Variants in CARF observed in about 807,000 individuals in gnomAD.
The protein encoded by CARF is calcium-responsive transcription factor.
Under a neutral mutation model 82.0 loss-of-function variants are expected in CARF, and 57 were observed. That is an observed-to-expected ratio of 0.70 (90% CI 0.56 to 0.87). The LOEUF is 0.87. Among genes scored for constraint, CARF ranks in the 40% least tolerant of loss-of-function variants. The probability of loss-of-function intolerance (pLI) is 0.00; values close to 1 mark genes in which losing one functional copy is unlikely to be tolerated. For missense variants in CARF, 771 were observed against 855.8 expected (o/e 0.90, Z 1.24); for synonymous variants, 268 against 290.1 (o/e 0.92, Z 0.77).
intron 5 of CARF, among the ~76,000 whole-genome samples, chr2:202,951,637 T>C (rs574898695): frequency 6.6e-6 from 1 of 152,250 alleles, no homozygotes; most frequent in Admixed American, 6.5e-5. Context: ...CATATGTCTT[T>C]TTAGTTGATA....
At chr2:202,979,250 C>A (rs1305866792) in intron 14 of CARF, among the ~76,000 whole-genome samples, 1 of 151,546 alleles carries the variant, frequency 6.6e-6, no homozygotes, top group Non-Finnish European at 1.5e-5. Flanking sequence ...GAGCAAGACT[C>A]CATCTCAAAA....
intron 3 of CARF, among the ~76,000 whole-genome samples, chr2:202,941,216 T>C (rs10932004): frequency 0.31 from 46,838 of 151,932 alleles, 7,843 homozygotes; most frequent in East Asian, 0.61. Flanking sequence ...CGAGAAGCAA[T>C]TAAAAGATAT....
At chr2:202,948,651 T>G (rs1304540187) in intron 5 of CARF, among the ~76,000 whole-genome samples, 1 of 152,252 alleles carries the variant, frequency 6.6e-6, no homozygotes, top group Non-Finnish European at 1.5e-5. Flanking sequence ...TTGTCTTGGT[T>G]GTTGTTGGTA....
At chr2:202,920,479 A>G (rs919821270) in intron 2 of CARF, among the ~76,000 whole-genome samples, 3 of 152,146 alleles carry the variant, frequency 2.0e-5, no homozygotes, top group East Asian at 3.8e-4. Context: ...TAATTGATCT[A>G]TCATAATAGT....
chr2:202,953,165 G>A (rs1011086594), intron 6 of CARF, among the ~76,000 whole-genome samples: 5 of 151,808 alleles, frequency 3.3e-5, no homozygotes, highest in African/African-American at 4.8e-5. Flanking sequence ...GATTACAGGC[G>A]CCTGCAACCA....
rs1460224291 is a variant in CARF at position 202,913,115 on chromosome 2, G to A, written c.-330+13G>A. ...TATGGGCAGACCGGTATGTGTGCAGGTGAAGACAAAGCTTTCCTTTTTTAC... is the reference window on the plus strand; with the variant it reads ...TATGGGCAGACCGGTATGTGTGCAGATGAAGACAAAGCTTTCCTTTTTTAC... On this transcript the variant is annotated intron_variant, in intron 1 of 16. Transcript: ENST00000438828. The A allele has an allele frequency of 6.6e-6, 1 of 152,156 alleles. No individual in the cohort carries two copies. The highest frequency in any genetic ancestry group is 2.4e-5 in the African/African-American group (1 of 41,430). The allele number at this position is 152,156 out of a possible 1,614,324, so 9.4% of individuals were successfully genotyped here. A position where few individuals can be genotyped will look rare whatever the true frequency, so the allele number is the denominator to read the frequency against.
At chr2:202,943,685 T>C (rs1237694784) in intron 5 of CARF, among the ~76,000 whole-genome samples, 1 of 150,840 alleles carries the variant, frequency 6.6e-6, no homozygotes, top group Non-Finnish European at 1.5e-5. Flanking sequence ...TCTTGCTCTG[T>C]CGCCAAGGCT....
chr2:202,971,678 A>G lies in CARF; in HGVS notation c.1271A>G (p.Lys424Arg). ...CGTTTACATCCTCAAGTAGCACATA[A>G]GATTCAAGAATTAGTATCACAGGGA... ...PSRLHPQVAH[K>R]IQELVSQGIE... Residue 424 changes from lysine to arginine, a missense_variant, in exon 12 of 17, where the codon AAG (lysine) becomes AGG (arginine). Coordinates refer to ENST00000438828, the MANE Select transcript of CARF (RefSeq NM_024744.17). 6.2e-7 allele frequency: 1 copy of G among 1,613,606 alleles called. No homozygotes were observed.
At chr2:202,935,144 TATA>T (rs1014322234) in intron 3 of CARF, among the ~76,000 whole-genome samples, 18 of 143,398 alleles carry the variant, frequency 1.3e-4, no homozygotes, top group African/African-American at 4.1e-4. Flanking sequence ...ATAATATAAT[TATA>T]ATATATACTC....
chr2:202,971,524 A>G lies in CARF; in HGVS notation c.1117A>G (p.Thr373Ala). The G allele has an allele frequency of 6.2e-7, 1 of 1,612,196 alleles. No individual in the cohort carries two copies. ...GVLRWYVQLP[T>A]QQAHQYHELE... ...TACCAGGTGGTATGTACAGTTACCTACACAGCAAGCTCATCAGTATCATGA... is the reference window on the plus strand; with the variant it reads ...TACCAGGTGGTATGTACAGTTACCTGCACAGCAAGCTCATCAGTATCATGA... Residue 373 changes from threonine (T) to alanine (A), a missense_variant, in exon 12 of 17, where the codon ACA becomes GCA. By Grantham distance (58) the Thr-to-Ala change is moderately conservative. Transcript: ENST00000438828.
At chr2:202,951,939 T>C (rs549746080) in intron 5 of CARF, among the ~76,000 whole-genome samples, 1 of 152,042 alleles carries the variant, frequency 6.6e-6, no homozygotes, top group South Asian at 2.1e-4. Context: ...TTCAAGTGAT[T>C]CTCCTGCCTC....
At chr2:202,976,248 C>T (rs2060022099) in intron 13 of CARF, among the ~76,000 whole-genome samples, 2 of 151,784 alleles carry the variant, frequency 1.3e-5, no homozygotes, top group Admixed American at 1.3e-4. Context: ...GATCCTGGCT[C>T]AGTGCAACCT....
At chr2:202,917,109 G>T (rs1168677242) in intron 1 of CARF, among the ~76,000 whole-genome samples, 2 of 149,266 alleles carry the variant, frequency 1.3e-5, no homozygotes, top group Non-Finnish European at 3.0e-5. Flanking sequence ...TACTTGGGAG[G>T]CTGAGGCAGG....
rs2060368574 is a variant in CARF at position 202,984,300 on chromosome 2, G to A, written c.*676G>A. On this transcript the variant is annotated 3_prime_UTR_variant, in exon 17 of 17. Transcript: ENST00000438828. ...TCTAATAGAAATTTAAAGTGTCTTG[G>A]TAAGTACTGAGAATTTTTACTTGAA... 6.6e-6 allele frequency: 1 copy of A among 152,096 alleles called. No individual in the cohort carries two copies. The highest frequency in any genetic ancestry group is 2.4e-5 in the African/African-American group (1 of 41,414). The allele number at this position is 152,096 out of a possible 1,614,324, so 9.4% of individuals were successfully genotyped here.
intron 8 of CARF, among the ~76,000 whole-genome samples, chr2:202,958,794 A>G (rs997620262): frequency 2.0e-5 from 3 of 151,516 alleles, no homozygotes; most frequent in African/African-American, 7.3e-5. Context: ...AGTCCCAGCT[A>G]CTCGGGAGGC....
At position 202,952,419 on chromosome 2, in the gene CARF, A is replaced by G. The variant is rs940245151; in HGVS notation, c.307-140A>G. The G allele has an allele frequency of 1.6e-5, 13 of 802,546 alleles. No individual in the cohort carries two copies. The East Asian group carries it at 2.8e-4, about 18-fold the overall frequency. 49.7% of individuals were successfully genotyped at this position (802,546 alleles called of 1,614,324 possible). ...TGGAAAAAAATGTTTATGTGCCTCA[A>G]TGTTTTCATCTATAAAATGGGGGAA... is the stretch of plus-strand genomic sequence containing the variant. On this transcript the variant is annotated intron_variant, in intron 5 of 16. Transcript: ENST00000438828.
Position 202,984,690 on chromosome 2 carries a change from A to C in CARF, c.*1066A>C, listed in dbSNP as rs567700058. The C allele has an allele frequency of 6.6e-6, 1 of 152,250 alleles. No individual in the cohort carries two copies. The highest frequency in any genetic ancestry group is 6.5e-5 in the Admixed American group (1 of 15,290). 9.4% of individuals were successfully genotyped at this position (152,250 alleles called of 1,614,324 possible). A position where few individuals can be genotyped will look rare whatever the true frequency, so the allele number is the denominator to read the frequency against. On this transcript the variant is annotated 3_prime_UTR_variant, in exon 17 of 17. Coordinates refer to ENST00000438828, the MANE Select transcript of CARF (RefSeq NM_024744.17). Reference sequence around the variant, plus strand: ...ACATCTGATCTGGGATTTTTTTGTTAAGTAAGTATATTAACTTCAAATACC... The same window carrying C: ...ACATCTGATCTGGGATTTTTTTGTTCAGTAAGTATATTAACTTCAAATACC...
rs541638567 is a variant in CARF, at chr2:202,981,779, G to A, written c.1689+94G>A. On this transcript the variant is annotated intron_variant, in intron 15 of 16. Coordinates refer to ENST00000438828, the MANE Select transcript of CARF (RefSeq NM_024744.17). ...CTAGGGATTTTAGAGAATTGTTACA[G>A]AATTATAATAATGATGAAATATGTT... 69 of 1,138,016 alleles carry A rather than the reference G, an allele frequency of 6.1e-5. No individual in the cohort carries two copies. The South Asian group carries it at 1.0e-3, about 17-fold the overall frequency. 70.5% of individuals were successfully genotyped at this position (1,138,016 alleles called of 1,614,324 possible).
At chr2:202,921,451 G>A (rs562142725) in intron 2 of CARF, among the ~76,000 whole-genome samples, 44 of 152,208 alleles carry the variant, frequency 2.9e-4, no homozygotes, top group Non-Finnish European at 4.7e-4. Flanking sequence ...CCATAATTGC[G>A]TTAGTTAATT....
Sources: allele counts gnomAD v4.1 joint callset (sites outside exome capture counted in the v4.1 genomes callset), GRCh38; gene constraint gnomAD v4.1.1; transcripts MANE v1.5; gene names NCBI Gene and HGNC (gene_info 2026-07-23, HGNC 2026-07-21).